Variants in GPNMB observed in about 807,000 individuals in gnomAD.
GPNMB encodes the protein transmembrane glycoprotein NMB.
A neutral mutation model predicts 57.3 loss-of-function variants in GPNMB; 71 were observed. The ratio of observed to expected loss-of-function variants is 1.24; its 90% CI spans 1.02 to 1.51. The LOEUF (loss-of-function observed/expected upper bound fraction) is 1.51, where lower values mean the gene tolerates loss of function less well. GPNMB is among the 40% of genes most tolerant of loss of function. The pLI is 0.00. For missense variants in GPNMB, 677 were observed against 691.9 expected, an observed-to-expected ratio of 0.98 and a Z score of 0.24; for synonymous variants, 253 against 263.2, an observed-to-expected ratio of 0.96 and a Z score of 0.38.
chr7:23,253,513 T>C, intron 2 of GPNMB, 54 bp downstream of exon 2: 1 of 1,474,530 alleles, frequency 6.8e-7, no homozygotes, highest in Non-Finnish European at 9.4e-7. Flanking sequence ...CAGTAAGTCT[T>C]GTAGATGGTA....
rs565243836 is a variant in GPNMB at position 23,269,158 on chromosome 7, G to A, written c.1221-809G>A. Among the ~76,000 whole-genome samples, 34 of 152,202 alleles carry A rather than the reference G, an allele frequency of 2.2e-4. 1 individual carries two copies. Among genetic ancestry groups the A allele is most frequent in the African/African-American group, 5.1e-4 (21 of 41,544 alleles). ...TTTCAGCACTTTGGGAGGCTGAGGC[G>A]GTTGATCACCTGAAGTCAGGAGTTT... On this transcript the variant is annotated intron_variant, in intron 8 of 10. Coordinates refer to ENST00000258733, the MANE Select transcript of GPNMB (RefSeq NM_002510.3).
chr7:23,259,926 C>G lies in GPNMB; in HGVS notation c.542-54C>G. On this transcript the variant is annotated intron_variant, in intron 4 of 10. Coordinates refer to ENST00000258733, the MANE Select transcript of GPNMB (RefSeq NM_002510.3). ...GTAGCTAGTCTTTAAGGAACAGCTT[C>G]CTATAATGATGATATAATGCAGCCA... is the stretch of plus-strand genomic sequence containing the variant. The G allele has an allele frequency of 5.2e-6, 8 of 1,550,456 alleles. No homozygotes were observed. The South Asian group carries it at 9.0e-5, about 17-fold the overall frequency.
At chr7:23,249,269 A>C (rs1782608150) in intron 1 of GPNMB, among the ~76,000 whole-genome samples, 1 of 152,188 alleles carries the variant, frequency 6.6e-6, no homozygotes, top group Non-Finnish European at 1.5e-5. Context: ...ATAGATTCAC[A>C]TACTGTTGTA....
chr7:23,261,629 C>G (rs781063809), intron 6 of GPNMB, among the ~76,000 whole-genome samples: 1 of 151,494 alleles, frequency 6.6e-6, no homozygotes, highest in Non-Finnish European at 1.5e-5. Flanking sequence ...CAGGGCCTGT[C>G]GGGGGGTAGG....
In GPNMB at chr7:23,246,982, G is replaced by A. The variant is rs1025399643; in HGVS notation, c.70+55G>A. On this transcript the variant is annotated intron_variant, in intron 1 of 10. Transcript: ENST00000258733. ...CCATTCTCTGGCCATTGGCTGAAAT[G>A]ATGGCTAATAATATCCTCTGAACTA... 15 of 1,255,098 alleles carry A rather than the reference G, an allele frequency of 1.2e-5. No individual in the cohort carries two copies. In the African/African-American group the frequency reaches 1.6e-4, roughly 14 times the overall value. 77.7% of individuals were successfully genotyped at this position (1,255,098 alleles called of 1,614,324 possible).
At chr7:23,266,735 A>G (rs1040107237) in intron 7 of GPNMB, 120 bp downstream of exon 7, 2 of 758,704 alleles carry the variant, frequency 2.6e-6, no homozygotes, top group African/African-American at 1.8e-5. Flanking sequence ...CTGCTTGTCT[A>G]AGATGACACC....
At chr7:23,263,464 T>A (rs1261882148) in intron 6 of GPNMB, among the ~76,000 whole-genome samples, 1 of 151,834 alleles carries the variant, frequency 6.6e-6, no homozygotes, top group African/African-American at 2.4e-5. Context: ...ATATAAAAAT[T>A]AGCCGGGTGT....
chr7:23,259,763 CA>C (rs747356729), intron 4 of GPNMB, among the ~76,000 whole-genome samples: 6 of 152,012 alleles, frequency 3.9e-5, no homozygotes, highest in Non-Finnish European at 8.8e-5. Flanking sequence ...AAATTTTAAC[CA>C]ACTGTATACA....
chr7:23,262,287 G>C (rs1388548739), intron 6 of GPNMB, among the ~76,000 whole-genome samples: 1 of 152,126 alleles, frequency 6.6e-6, no homozygotes, highest in South Asian at 2.1e-4. Context: ...TAGATGTCTA[G>C]AGTAAAAAGC....
chr7:23,260,438 G>A lies in GPNMB; in HGVS notation c.701-18G>A, dbSNP rs763659865. ...GCAATCATGCATTCTTTATTTCTTTGGGGGATGTATCTTTTAGATCAGATT... is the reference window on the plus strand; with the variant it reads ...GCAATCATGCATTCTTTATTTCTTTAGGGGATGTATCTTTTAGATCAGATT... On this transcript the variant is annotated intron_variant, in intron 5 of 10. Coordinates refer to ENST00000258733, the MANE Select transcript of GPNMB (RefSeq NM_002510.3). 6.4e-7 allele frequency: 1 copy of A among 1,574,542 alleles called. No homozygotes were observed. The highest frequency in any genetic ancestry group is 2.2e-5 in the East Asian group (1 of 44,494).
rs776089652 is a variant in GPNMB at position 23,260,036 on chromosome 7, A to G, written c.598A>G (p.Asn200Asp). The G allele has an allele frequency of 1.1e-5, 17 of 1,613,964 alleles. No homozygotes were observed. Among genetic ancestry groups the G allele is most frequent in the Non-Finnish European group, 1.4e-5 (17 of 1,179,938 alleles). ...CSVRVSVNTA[N>D]VTLGPQLMEV... ...AGTGAGAGTTTCTGTGAACACAGCCAATGTGACACTTGGGCCTCAACTCAT... is the reference window on the plus strand; with the variant it reads ...AGTGAGAGTTTCTGTGAACACAGCCGATGTGACACTTGGGCCTCAACTCAT... The change falls in exon 5 of 11, where the codon AAT (asparagine) becomes GAT (aspartate). Residue 200 changes from asparagine (N) to aspartate (D), a missense_variant. By Grantham distance (23) the Asn-to-Asp change is conservative. Transcript: ENST00000258733.
intron 1 of GPNMB, among the ~76,000 whole-genome samples, chr7:23,248,243 G>GC (rs1782582314): frequency 6.6e-6 from 1 of 152,188 alleles, no homozygotes; most frequent in Non-Finnish European, 1.5e-5. Context: ...AGGCAGACCT[G>GC]CACCCACCCT....
intron 8 of GPNMB, among the ~76,000 whole-genome samples, chr7:23,269,515 A>C (rs1322617129): frequency 6.6e-6 from 1 of 152,288 alleles, no homozygotes; most frequent in Non-Finnish European, 1.5e-5. Context: ...TGCCCGGCAC[A>C]TAATAAGTCC....
intron 1 of GPNMB, 107 bp downstream of exon 1, chr7:23,247,034 G>T: frequency 1.2e-6 from 1 of 852,764 alleles, no homozygotes. Flanking sequence ...TCTTCAGGAA[G>T]CTTTCATCTC....
chr7:23,261,275 G>C (rs550751641), intron 6 of GPNMB, among the ~76,000 whole-genome samples: 36 of 152,280 alleles, frequency 2.4e-4, no homozygotes, highest in African/African-American at 8.4e-4. Flanking sequence ...TGTAGCTTGA[G>C]AGTATGTCTG....
chr7:23,252,146 A>C lies in GPNMB; in HGVS notation c.71-1161A>C, dbSNP rs564942033. ...GTTGTAGAGATAAAATGGAATCCAA[A>C]TGTAACTCCAAAGAGTACAGGAAAA... On this transcript the variant is annotated intron_variant, in intron 1 of 10. Coordinates refer to ENST00000258733, the MANE Select transcript of GPNMB (RefSeq NM_002510.3). Among the ~76,000 whole-genome samples, 39 of 152,366 alleles carry C rather than the reference A, an allele frequency of 2.6e-4. 3 individuals are homozygous for C. The South Asian group carries it at 7.7e-3, about 30-fold the overall frequency.
Position 23,260,498 on chromosome 7 carries a change from G to C in GPNMB, c.743G>C (p.Arg248Pro), listed in dbSNP as rs771139651. Residue 248 changes from arginine to proline, a missense_variant, in exon 6 of 11, where the codon CGA becomes CCA. Transcript: ENST00000258733. ...GTGACTATGTTCCAGAAGAACGATC[G>C]AAATTCATCCGACGAAACCTTCCTC... ...VFVTMFQKNDRNSSDETFLKD... is the reference protein window; with the variant it reads ...VFVTMFQKNDPNSSDETFLKD... The C allele has an allele frequency of 4.3e-6, 7 of 1,613,642 alleles. No homozygotes were observed. Among genetic ancestry groups the C allele is most frequent in the Non-Finnish European group, 5.9e-6 (7 of 1,179,798 alleles).
intron 1 of GPNMB, among the ~76,000 whole-genome samples, chr7:23,251,277 G>C (rs1363863922): frequency 1.3e-5 from 2 of 152,128 alleles, no homozygotes; most frequent in African/African-American, 4.8e-5. Context: ...CATCCAATAT[G>C]GCTTCTCTGA....
chr7:23,268,301 G>C (rs79639478), intron 8 of GPNMB, among the ~76,000 whole-genome samples: 1 of 152,080 alleles, frequency 6.6e-6, no homozygotes, highest in African/African-American at 2.4e-5. Context: ...CACAACAATC[G>C]TATGAGCCTC....
Sources: gnomAD v4.1 joint callset for allele counts (sites outside exome capture counted in the v4.1 genomes callset) on GRCh38, gnomAD v4.1.1 for gene constraint, MANE v1.5 for transcripts, NCBI Gene and HGNC (gene_info 2026-07-23, HGNC 2026-07-21) for gene names.